MAPK10: variants seen among roughly 807,000 people sequenced by gnomAD.
MAPK10 encodes the protein mitogen-activated protein kinase 10.
Under a neutral mutation model 59.3 loss-of-function variants are expected in MAPK10, and 25 were observed. The observed-to-expected ratio is 0.42, with a 90% CI of 0.31 to 0.59. The LOEUF is 0.59. Among genes scored for constraint, MAPK10 ranks in the 20% least tolerant of loss-of-function variants. MAPK10 has a pLI of 0.15. For synonymous variants in MAPK10, 190 were observed against 200.5 expected (o/e 0.95, Z 0.44); for missense variants, 351 against 568.9 (o/e 0.62, Z 3.90).
chr4:86,386,780 A>G (rs567240892), intron 1 of MAPK10, among the ~76,000 whole-genome samples: 6 of 152,314 alleles, frequency 3.9e-5, no homozygotes, highest in African/African-American at 1.4e-4. Context: ...AAAAAGCCTT[A>G]GTATACTACA....
chr4:86,294,413 C>G (rs2095305349), intron 2 of MAPK10, among the ~76,000 whole-genome samples: 1 of 151,750 alleles, frequency 6.6e-6, no homozygotes, highest in Non-Finnish European at 1.5e-5. Flanking sequence ...CATATAAATA[C>G]AAATAGGTTA....
At chr4:86,571,250 A>C (rs939934824) in intron 1 of MAPK10, among the ~76,000 whole-genome samples, 1 of 148,280 alleles carries the variant, frequency 6.7e-6, no homozygotes, top group African/African-American at 2.5e-5. Flanking sequence ...CTTTGCAATG[A>C]TATCCAAAAT....
intron 2 of MAPK10, among the ~76,000 whole-genome samples, chr4:86,220,497 C>A (rs1361975096): frequency 1.3e-5 from 2 of 152,172 alleles, no homozygotes; most frequent in Non-Finnish European, 1.5e-5. Context: ...ATGCCATAAG[C>A]AGCTCTTCCT....
chr4:86,147,161 A>T (rs927408899), intron 4 of MAPK10, among the ~76,000 whole-genome samples: 6 of 151,668 alleles, frequency 4.0e-5, no homozygotes, highest in African/African-American at 7.3e-5. Flanking sequence ...ATCATGGCTC[A>T]CTGCAACCTC....
intron 4 of MAPK10, among the ~76,000 whole-genome samples, chr4:86,149,906 C>A (rs1000050766): frequency 6.6e-6 from 1 of 152,076 alleles, no homozygotes; most frequent in African/African-American, 2.4e-5. Flanking sequence ...TCCAAACGAG[C>A]CCCAGATTTT....
At chr4:86,416,217 T>C (rs770105355) in intron 1 of MAPK10, among the ~76,000 whole-genome samples, 1 of 152,188 alleles carries the variant, frequency 6.6e-6, no homozygotes, top group Non-Finnish European at 1.5e-5. Flanking sequence ...GAAAACACCA[T>C]GTGAGGACAC....
intron 3 of MAPK10, among the ~76,000 whole-genome samples, chr4:86,174,700 C>G (rs757985654): frequency 6.6e-6 from 1 of 152,128 alleles, no homozygotes; most frequent in Non-Finnish European, 1.5e-5. Flanking sequence ...TGACTAAACT[C>G]CTGAGTCACC....
chr4:86,053,068 G>T (rs558081425), intron 11 of MAPK10, among the ~76,000 whole-genome samples: 2 of 152,184 alleles, frequency 1.3e-5, no homozygotes, highest in Admixed American at 6.5e-5. Context: ...GAGCAAAGGA[G>T]CAAAGAAAAA....
intron 1 of MAPK10, among the ~76,000 whole-genome samples, chr4:86,450,850 T>C (rs1251171367): frequency 6.6e-6 from 1 of 152,260 alleles, no homozygotes; most frequent in African/African-American, 2.4e-5. Flanking sequence ...CAAACTTTTT[T>C]AATGCATGCA....
intron 2 of MAPK10, among the ~76,000 whole-genome samples, chr4:86,325,055 C>T (rs1041753609): frequency 1.3e-5 from 2 of 152,116 alleles, no homozygotes; most frequent in Non-Finnish European, 2.9e-5. Context: ...AATTTAGTTT[C>T]TAATTTCCAA....
chr4:86,169,354 C>G (rs957131127), intron 3 of MAPK10, among the ~76,000 whole-genome samples: 7 of 152,058 alleles, frequency 4.6e-5, no homozygotes, highest in African/African-American at 1.7e-4. Context: ...ATAACCAATA[C>G]AGAGAAGTGC....
At chr4:86,481,656 T>TCACC (rs1753624554) in intron 1 of MAPK10, among the ~76,000 whole-genome samples, 1 of 152,174 alleles carries the variant, frequency 6.6e-6, no homozygotes, top group South Asian at 2.1e-4. Context: ...AGAGATTTAC[T>TCACC]TGTTCTCTAG....
chr4:86,423,328 A>C (rs577881068), intron 1 of MAPK10, among the ~76,000 whole-genome samples: 1 of 152,354 alleles, frequency 6.6e-6, no homozygotes, highest in East Asian at 1.9e-4. Context: ...CTGGCACATC[A>C]ATACAAACAT....
intron 2 of MAPK10, among the ~76,000 whole-genome samples, chr4:86,334,617 G>A (rs191136405): frequency 3.3e-5 from 5 of 151,784 alleles, no homozygotes; most frequent in African/African-American, 1.2e-4. Flanking sequence ...CACATATGCT[G>A]TTTCCTCAGC....
intron 1 of MAPK10, among the ~76,000 whole-genome samples, chr4:86,591,531 G>A (rs184195731): frequency 2.0e-5 from 3 of 152,038 alleles, no homozygotes; most frequent in African/African-American, 7.2e-5. Flanking sequence ...ATCCCACCAT[G>A]CTTGGCTAAC....
At chr4:86,522,500 A>G (rs1757185193) in intron 1 of MAPK10, among the ~76,000 whole-genome samples, 1 of 152,164 alleles carries the variant, frequency 6.6e-6, no homozygotes, top group African/African-American at 2.4e-5. Flanking sequence ...AGCTTTTATG[A>G]TTAATAGTGC....
chr4:86,545,029 T>C (rs898984475), intron 1 of MAPK10, among the ~76,000 whole-genome samples: 6 of 152,116 alleles, frequency 3.9e-5, no homozygotes, highest in African/African-American at 1.4e-4. Context: ...GGCATGGCCA[T>C]GTTTCTGTGT....
At chr4:86,495,481 T>C (rs77120237) in intron 1 of MAPK10, among the ~76,000 whole-genome samples, 7,366 of 152,264 alleles carry the variant, frequency 0.048, 236 homozygotes, top group African/African-American at 0.061. Flanking sequence ...TAAAATGCAA[T>C]AGCTTGTCTT....
intron 9 of MAPK10, among the ~76,000 whole-genome samples, chr4:86,086,901 CATTGAGA>C (rs2052003435): frequency 6.6e-6 from 1 of 152,114 alleles, no homozygotes; most frequent in Non-Finnish European, 1.5e-5. Context: ...TGTTTGAAAT[CATTGAGA>C]CCACAGCCCA....
Sources: allele counts gnomAD v4.1 joint callset (sites outside exome capture counted in the v4.1 genomes callset), GRCh38; gene constraint gnomAD v4.1.1; transcripts MANE v1.5; gene names NCBI Gene and HGNC (gene_info 2026-07-23, HGNC 2026-07-21).